The following ATRN variants were observed in gnomAD, a reference collection of about 807,000 sequenced individuals.
ATRN encodes attractin.
ATRN carries 54 observed loss-of-function variants against 178.7 expected under a neutral mutation model. The observed-to-expected ratio is 0.30, with a 90% CI of 0.24 to 0.38. The LOEUF (loss-of-function observed/expected upper bound fraction) is 0.38. Ranked by LOEUF, ATRN falls within the 10% of genes least tolerant of loss-of-function variation. The probability of loss-of-function intolerance (pLI) is 1.00; values close to 1 mark genes in which losing one functional copy is unlikely to be tolerated. For synonymous variants in ATRN, 636 were observed against 663.0 expected (o/e 0.96, Z 0.63); for missense variants, 1,443 against 1,815.1 (o/e 0.79, Z 3.73).
intron 1 of ATRN, among the ~76,000 whole-genome samples, chr20:3,507,257 AAAT>A (rs1434477860): frequency 6.6e-6 from 1 of 151,758 alleles, no homozygotes; most frequent in Non-Finnish European, 1.5e-5. Flanking sequence ...AATACAAAAA[AAAT>A]TTAGCCGGGC....
At chr20:3,533,195 G>C (rs1450665458) in intron 1 of ATRN, among the ~76,000 whole-genome samples, 1 of 152,220 alleles carries the variant, frequency 6.6e-6, no homozygotes, top group Admixed American at 6.5e-5. Flanking sequence ...TCCTTGAAGA[G>C]GAGATCTAGG....
intron 20 of ATRN, among the ~76,000 whole-genome samples, chr20:3,595,463 G>C (rs969049193): frequency 2.0e-5 from 3 of 152,284 alleles, no homozygotes; most frequent in South Asian, 4.1e-4. Context: ...GGTTTGGTCT[G>C]TCTACTTTTT....
At chr20:3,497,175 T>G (rs1254399223) in intron 1 of ATRN, among the ~76,000 whole-genome samples, 9 of 148,722 alleles carry the variant, frequency 6.1e-5, no homozygotes, top group Non-Finnish European at 1.3e-4. Context: ...AAAGTTAATA[T>G]TGTTATGTGT....
intron 9 of ATRN, 70 bp downstream of exon 9, chr20:3,562,529 G>A (rs1266868083): frequency 2.0e-6 from 3 of 1,509,124 alleles, no homozygotes; most frequent in Non-Finnish European, 2.7e-6. Context: ...AGAAAATATT[G>A]TGCTATCTTT....
intron 1 of ATRN, among the ~76,000 whole-genome samples, chr20:3,488,946 ATGTTTGTTTGTT>A (rs554679143): frequency 3.2e-4 from 49 of 151,798 alleles, no homozygotes; most frequent in African/African-American, 9.9e-4. Context: ...AAGATATTTG[ATGTTTGTTTGTT>A]TGTTTGTTTG....
intron 4 of ATRN, among the ~76,000 whole-genome samples, 165 bp downstream of exon 4, chr20:3,546,055 C>T (rs1221778522): frequency 1.3e-5 from 2 of 152,136 alleles, no homozygotes; most frequent in Non-Finnish European, 2.9e-5. Flanking sequence ...GGTCTGGGCT[C>T]TGTTTTTCTG....
intron 1 of ATRN, among the ~76,000 whole-genome samples, chr20:3,532,825 C>T (rs574994129): frequency 3.3e-5 from 5 of 151,908 alleles, no homozygotes; most frequent in African/African-American, 7.2e-5. Context: ...TGCAGTGGCG[C>T]GATCTTGGCT....
chr20:3,502,479 C>T (rs1380752145), intron 1 of ATRN, among the ~76,000 whole-genome samples: 1 of 152,180 alleles, frequency 6.6e-6, no homozygotes, highest in African/African-American at 2.4e-5. Context: ...TGTTTCCTGA[C>T]CCTCCCACCT....
chr20:3,499,577 T>A (rs892365346), intron 1 of ATRN, among the ~76,000 whole-genome samples: 4 of 151,148 alleles, frequency 2.6e-5, no homozygotes, highest in Non-Finnish European at 4.4e-5. Context: ...AAAACAAGCA[T>A]TGGGGAAAGG....
chr20:3,476,869 GAA>G (rs1408113001), intron 1 of ATRN, among the ~76,000 whole-genome samples: 3 of 152,232 alleles, frequency 2.0e-5, no homozygotes, highest in Non-Finnish European at 4.4e-5. Flanking sequence ...TCGAAAGAAA[GAA>G]AGAAAATTCT....
intron 2 of ATRN, among the ~76,000 whole-genome samples, chr20:3,539,434 G>T (rs1275028809): frequency 6.6e-6 from 1 of 152,224 alleles, no homozygotes; most frequent in African/African-American, 2.4e-5. Context: ...GGATGCAAAA[G>T]TTCCAGATGA....
rs761662979 is a variant in ATRN at position 3,584,795 on chromosome 20, A to G, written c.3099A>G (p.Thr1033=). ...GPVKMPSQAP[T]GNFYPQPLLN... is the part of the protein sequence containing the mutation. ...TGAAGATGCCTTCGCAAGCCCCTAC[A>G]GGAAATTTCTATCCACAGCCCCTGC... Residue 1033 remains threonine (T), a synonymous_variant, in exon 18 of 29, where the codon ACA becomes ACG. Coordinates refer to ENST00000262919, the MANE Select transcript of ATRN (RefSeq NM_139321.3). 3.1e-6 allele frequency: 5 copies of G among 1,614,108 alleles called. No individual in the cohort carries two copies. Among genetic ancestry groups the G allele is most frequent in the African/African-American group, 1.3e-5 (1 of 74,952 alleles).
At chr20:3,500,130 T>C (rs1322259609) in intron 1 of ATRN, among the ~76,000 whole-genome samples, 1 of 152,028 alleles carries the variant, frequency 6.6e-6, no homozygotes, top group East Asian at 1.9e-4. Flanking sequence ...AAAACCACAA[T>C]GAGATACCAT....
intron 24 of ATRN, chr20:3,615,901 G>C (rs2086840836): frequency 2.2e-6 from 1 of 444,848 alleles, no homozygotes; most frequent in African/African-American, 2.0e-5. Context: ...TGTGGGGTGG[G>C]GGGAAGGGGA....
intron 1 of ATRN, among the ~76,000 whole-genome samples, chr20:3,498,569 C>G (rs1475983526): frequency 6.6e-6 from 1 of 151,916 alleles, no homozygotes; most frequent in Admixed American, 6.6e-5. Flanking sequence ...TAAACAGAAC[C>G]AAAGACAAAA....
At chr20:3,527,811 A>C (rs1484834167) in intron 1 of ATRN, among the ~76,000 whole-genome samples, 2 of 152,022 alleles carry the variant, frequency 1.3e-5, no homozygotes, top group Non-Finnish European at 2.9e-5. Flanking sequence ...TCAGCAAACT[A>C]TCACAGGAAC....
intron 24 of ATRN, among the ~76,000 whole-genome samples, chr20:3,624,298 A>G (rs184345831): frequency 3.9e-4 from 59 of 152,360 alleles, no homozygotes; most frequent in Non-Finnish European, 3.4e-4. Context: ...AAGGGGCTGC[A>G]GGAGGCTGTG....
rs781457991 is a variant in ATRN, at chr20:3,584,845, A to C, written c.3149A>C (p.Asp1050Ala). 6.2e-7 allele frequency: 1 copy of C among 1,614,208 alleles called. No homozygotes were observed. Among genetic ancestry groups the C allele is most frequent in the African/African-American group, 1.3e-5 (1 of 75,056 alleles). The change falls in exon 18 of 29, where the codon GAC (aspartate) becomes GCC (alanine). Residue 1050 changes from aspartate (D) to alanine (A), a missense_variant. Physicochemically the swap from Asp to Ala is moderately radical, Grantham distance 126. Coordinates refer to ENST00000262919, the MANE Select transcript of ATRN (RefSeq NM_139321.3). ...CTCAATTCCAGCATGTGTCTAGAGG[A>C]CAGCAGATACAACTGGTCTTTCATT... The part of the protein sequence containing the change: ...PLLNSSMCLE[D>A]SRYNWSFIHC...
At chr20:3,575,412 C>T (rs1374353684) in intron 12 of ATRN, among the ~76,000 whole-genome samples, 2 of 152,308 alleles carry the variant, frequency 1.3e-5, no homozygotes, top group Admixed American at 1.3e-4. Flanking sequence ...CTGCCTACTT[C>T]CTGTGCCCAA....
Sources: gnomAD v4.1 joint callset for allele counts (sites outside exome capture counted in the v4.1 genomes callset) on GRCh38, gnomAD v4.1.1 for gene constraint, MANE v1.5 for transcripts, NCBI Gene and HGNC (gene_info 2026-07-23, HGNC 2026-07-21) for gene names.